The following CGRRF1 variants were observed in gnomAD, a reference collection of about 807,000 sequenced individuals.
The protein encoded by CGRRF1 is cell growth regulator with RING finger domain protein 1.
A neutral mutation model predicts 37.2 loss-of-function variants in CGRRF1; 32 were observed. The ratio of observed to expected loss-of-function variants is 0.86; its 90% CI spans 0.65 to 1.16. The LOEUF is 1.16. Ranked by LOEUF, CGRRF1 falls within the 50% of genes most tolerant of loss-of-function variation. The pLI is 0.00. For missense variants in CGRRF1, 391 were observed against 382.6 expected (o/e 1.02, Z -0.18); for synonymous variants, 141 against 140.3 (o/e 1.00, Z -0.04).
At chr14:54,513,915 G>C (rs1412260477) in intron 1 of CGRRF1, among the ~76,000 whole-genome samples, 5 of 152,118 alleles carry the variant, frequency 3.3e-5, no homozygotes, top group Non-Finnish European at 5.9e-5. Context: ...ATATTGTTTG[G>C]AAAGAAGTAG....
intron 1 of CGRRF1, among the ~76,000 whole-genome samples, chr14:54,519,807 A>G (rs1594648971): frequency 6.6e-6 from 1 of 152,200 alleles, no homozygotes; most frequent in Non-Finnish European, 1.5e-5. Context: ...GCATTTTATT[A>G]TAAAAATTTT....
chr14:54,526,979 CCTT>C (rs1403601621), intron 2 of CGRRF1, among the ~76,000 whole-genome samples: 2 of 152,134 alleles, frequency 1.3e-5, no homozygotes. Context: ...TTTCTACAGT[CCTT>C]ATTTTTTTCA....
intron 2 of CGRRF1, among the ~76,000 whole-genome samples, chr14:54,528,206 C>CT (rs758797153): frequency 0.016 from 1,547 of 96,248 alleles, 19 homozygotes; most frequent in African/African-American, 0.046. Context: ...TACCTCAATT[C>CT]TTTTTTTTTT....
chr14:54,527,984 G>A (rs1194830549), intron 2 of CGRRF1, among the ~76,000 whole-genome samples: 1 of 151,970 alleles, frequency 6.6e-6, no homozygotes, highest in African/African-American at 2.4e-5. Context: ...CAAGTGATCT[G>A]CACATCTTGG....
At chr14:54,520,018 A>G (rs1211302299) in intron 1 of CGRRF1, among the ~76,000 whole-genome samples, 1 of 152,210 alleles carries the variant, frequency 6.6e-6, no homozygotes, top group Non-Finnish European at 1.5e-5. Context: ...GTTCTAAAAC[A>G]TTACATATTA....
chr14:54,515,766 TC>T (rs1356691923), intron 1 of CGRRF1, among the ~76,000 whole-genome samples: 1 of 152,232 alleles, frequency 6.6e-6, no homozygotes, highest in African/African-American at 2.4e-5. Flanking sequence ...AGCATATACA[TC>T]TTTTTTTCAT....
At chr14:54,524,314 C>T (rs538305151) in intron 2 of CGRRF1, among the ~76,000 whole-genome samples, 1 of 151,828 alleles carries the variant, frequency 6.6e-6, no homozygotes, top group East Asian at 1.9e-4. Flanking sequence ...AATAACTGGT[C>T]AGAAATCAGT....
intron 1 of CGRRF1, among the ~76,000 whole-genome samples, chr14:54,512,766 A>G (rs765729215): frequency 6.6e-6 from 1 of 151,992 alleles, no homozygotes; most frequent in Non-Finnish European, 1.5e-5. Flanking sequence ...ATGCTTTCCT[A>G]CTCTGCTAGA....
chr14:54,535,988 T>G (rs2032594976), intron 4 of CGRRF1: 1 of 152,200 alleles, frequency 6.6e-6, no homozygotes, highest in Non-Finnish European at 1.5e-5. Context: ...ACAGATTACT[T>G]GGATTAGTTC....
intron 2 of CGRRF1, among the ~76,000 whole-genome samples, chr14:54,524,946 A>T (rs897724628): frequency 1.3e-5 from 2 of 152,090 alleles, no homozygotes; most frequent in Admixed American, 6.6e-5. Flanking sequence ...ACTCGGGAGG[A>T]TGAGGTGGGA....
At chr14:54,526,960 T>G (rs1011503798) in intron 2 of CGRRF1, among the ~76,000 whole-genome samples, 1 of 152,220 alleles carries the variant, frequency 6.6e-6, no homozygotes, top group South Asian at 2.1e-4. Flanking sequence ...TTTTAGTGGC[T>G]TAGCATATTT....
chr14:54,528,472 A>G (rs1297750330), intron 2 of CGRRF1, among the ~76,000 whole-genome samples: 1 of 152,158 alleles, frequency 6.6e-6, no homozygotes, highest in Admixed American at 6.5e-5. Context: ...TAGTAATACA[A>G]TAATAAATAA....
rs201796420 is a variant in CGRRF1 at position 54,533,202 on chromosome 14, T to TTG, written c.570+2162_570+2163dup. Among the ~76,000 whole-genome samples the TTG allele has an allele frequency of 8.2e-3, 1,246 of 152,176 alleles. 25 individuals are homozygous for TTG. Among genetic ancestry groups the TTG allele is most frequent in the African/African-American group, 0.029 (1,203 of 41,532 alleles). ...ATAAAGTTTACCATTTTAACCATTT[T>TTG]TGTGTGTGTGTTTTCAGTTCAGTGG... On this transcript the variant is annotated intron_variant, in intron 4 of 5. Transcript: ENST00000216420.
intron 4 of CGRRF1, among the ~76,000 whole-genome samples, chr14:54,535,194 TAAC>T (rs2032580229): frequency 6.6e-6 from 1 of 152,220 alleles, no homozygotes; most frequent in Non-Finnish European, 1.5e-5. Flanking sequence ...TTTATAAATT[TAAC>T]ATTGATACAG....
At chr14:54,529,155 A>G (rs2032465340) in intron 2 of CGRRF1, among the ~76,000 whole-genome samples, 1 of 152,096 alleles carries the variant, frequency 6.6e-6, no homozygotes, top group South Asian at 2.1e-4. Context: ...CTTTTTATCT[A>G]GTCAGTGTAT....
chr14:54,514,309 A>G (rs1458655418), intron 1 of CGRRF1, among the ~76,000 whole-genome samples: 1 of 152,236 alleles, frequency 6.6e-6, no homozygotes, highest in Non-Finnish European at 1.5e-5. Context: ...ATGTAACACT[A>G]GATCAGATCA....
chr14:54,515,204 T>C (rs2032195357), intron 1 of CGRRF1, among the ~76,000 whole-genome samples: 1 of 150,362 alleles, frequency 6.7e-6, no homozygotes, highest in African/African-American at 2.4e-5. Context: ...TTCTCCTGCC[T>C]CAGCCTCCAG....
At position 54,537,843 on chromosome 14, in the gene CGRRF1, T is replaced by C. The variant is rs764877085; in HGVS notation, c.678+14T>C. The C allele has an allele frequency of 5.0e-6, 8 of 1,588,194 alleles. No individual in the cohort carries two copies. The highest frequency in any genetic ancestry group is 1.7e-6 in the Non-Finnish European group (2 of 1,173,462). On this transcript the variant is annotated intron_variant, in intron 5 of 5. Transcript: ENST00000216420. Reference sequence around the variant, plus strand: ...CATGATCTTAAGGTAAGCCGTACTCTGTAGTCTTATCTCTGTCTCTTTTGT... The same window carrying C: ...CATGATCTTAAGGTAAGCCGTACTCCGTAGTCTTATCTCTGTCTCTTTTGT...
At chr14:54,527,153 G>C (rs1311770368) in intron 2 of CGRRF1, among the ~76,000 whole-genome samples, 2 of 152,178 alleles carry the variant, frequency 1.3e-5, no homozygotes, top group South Asian at 2.1e-4. Flanking sequence ...TTGATCTAAA[G>C]TGATGTCATG....
Sources: allele counts gnomAD v4.1 joint callset (sites outside exome capture counted in the v4.1 genomes callset), GRCh38; gene constraint gnomAD v4.1.1; transcripts MANE v1.5; gene names NCBI Gene and HGNC (gene_info 2026-07-23, HGNC 2026-07-21).